The following ERICH1 variants were observed in gnomAD, a reference collection of about 807,000 sequenced individuals.
ERICH1 encodes glutamate-rich protein 1.
In ERICH1, 56 loss-of-function variants were observed where a neutral mutation model predicts 39.6. That is an observed-to-expected ratio of 1.41 (90% CI 1.14 to 1.77). The LOEUF (loss-of-function observed/expected upper bound fraction) is 1.77, where lower values mean the gene tolerates loss of function less well. Among genes scored for constraint, ERICH1 ranks in the 40% most tolerant of loss-of-function variants. The probability of loss-of-function intolerance (pLI) is 0.00; values close to 1 mark genes in which losing one functional copy is unlikely to be tolerated. For missense variants in ERICH1, 826 were observed against 575.4 expected (o/e 1.44, Z -4.45); for synonymous variants, 313 against 223.6 (o/e 1.40, Z -3.57).
At position 664,385 on chromosome 8, in the gene ERICH1, G is replaced by C; in HGVS notation, c.*218C>G. 1 of 1,202,370 alleles carries C rather than the reference G, an allele frequency of 8.3e-7. No homozygotes were observed. 74.5% of individuals were successfully genotyped at this position (1,202,370 alleles called of 1,614,324 possible). On this transcript the variant is annotated 3_prime_UTR_variant, in exon 6 of 6. Transcript: ENST00000262109. ...AATCAAGTTTTATGTAGTAATTCAA[G>C]ATATATATAATTGCAAATAAGTGAA...
chr8:641,139 T>C (rs1798930267), intron 3 of ERICH1: 1 of 152,184 alleles, frequency 6.6e-6, no homozygotes, highest in Non-Finnish European at 1.5e-5. Flanking sequence ...GCAGAGGACT[T>C]GGCGTTTAAT....
At chr8:717,399 C>T (rs1037682751) in intron 1 of ERICH1, among the ~76,000 whole-genome samples, 12 of 152,176 alleles carry the variant, frequency 7.9e-5, no homozygotes, top group Admixed American at 2.0e-4. Flanking sequence ...GGCGGAGACA[C>T]CTTGGCTCTC....
chr8:658,870 C>T (rs765250759), intron 3 of ERICH1, among the ~76,000 whole-genome samples: 1 of 152,214 alleles, frequency 6.6e-6, no homozygotes, highest in Non-Finnish European at 1.5e-5. Flanking sequence ...TCCCCAATTC[C>T]TCCCTGGCCG....
At chr8:671,317 C>T (rs1703935) in intron 4 of ERICH1, among the ~76,000 whole-genome samples, 109 of 144,090 alleles carry the variant, frequency 7.6e-4, no homozygotes, top group African/African-American at 1.3e-3. Flanking sequence ...CTGCCGGCCC[C>T]GGCTCTAATG....
At chr8:662,043 C>A (rs1801497207), downstream of ERICH1, among the ~76,000 whole-genome samples, 1 of 151,616 alleles carries the variant, frequency 6.6e-6, no homozygotes, top group South Asian at 2.1e-4. Flanking sequence ...TACAGGGACC[C>A]AGGAAAAGGC....
chr8:701,304 CA>C (rs1812080598), intron 2 of ERICH1, among the ~76,000 whole-genome samples: 1 of 152,084 alleles, frequency 6.6e-6, no homozygotes, highest in Non-Finnish European at 1.5e-5. Context: ...GGGAGCACGC[CA>C]TACCTACGGG....
At position 668,719 on chromosome 8, in the gene ERICH1, G is replaced by A. The variant is rs746154675; in HGVS notation, c.1137C>T (p.His379=). The A allele has an allele frequency of 1.5e-5, 24 of 1,613,776 alleles. No individual in the cohort carries two copies. Among genetic ancestry groups the A allele is most frequent in the Non-Finnish European group, 1.9e-5 (23 of 1,179,932 alleles). Residue 379 remains histidine (H), a synonymous_variant, in exon 5 of 6, where the codon CAC becomes CAT. Coordinates refer to ENST00000262109, the MANE Select transcript of ERICH1 (RefSeq NM_207332.3). Reference sequence around the variant, plus strand: ...TGGACACGTCTGAGGGCAGCATGCTGTGTGACGCAAGGCGGTCCAGCAGCT... The same window carrying A: ...TGGACACGTCTGAGGGCAGCATGCTATGTGACGCAAGGCGGTCCAGCAGCT... The part of the protein sequence containing the change: ...AEELLDRLAS[H]SMLPSDVSIL...
chr8:653,974 A>T (rs116223525), intron 3 of ERICH1, among the ~76,000 whole-genome samples: 1,573 of 152,304 alleles, frequency 0.01, 21 homozygotes, highest in African/African-American at 0.036. Flanking sequence ...GGCACTGAGC[A>T]GAGGTCCCTG....
Position 707,889 on chromosome 8 carries a change from T to C in ERICH1, c.169+7972A>G, listed in dbSNP as rs527240744. Among the ~76,000 whole-genome samples the C allele has an allele frequency of 2.6e-5, 4 of 152,210 alleles. No individual in the cohort carries two copies. The South Asian group carries it at 8.3e-4, about 32-fold the overall frequency. ...TGGTATGGAAGAAAATATTCGCAAA[T>C]CAGGTATCTGATGAGGACTCAGTAT... On this transcript the variant is annotated intron_variant, in intron 2 of 5. Transcript: ENST00000262109.
chr8:661,476 T>C (rs1243375874), downstream of ERICH1, among the ~76,000 whole-genome samples: 1 of 152,198 alleles, frequency 6.6e-6, no homozygotes, highest in African/African-American at 2.4e-5. Flanking sequence ...TAGGCACAAC[T>C]GTCTTAATAT....
Position 673,666 on chromosome 8 carries a change from G to T in ERICH1, c.686C>A (p.Thr229Asn), listed in dbSNP as rs781277474. Residue 229 changes from threonine (T) to asparagine (N), a missense_variant, in exon 4 of 6, where the codon ACC becomes AAC. Physicochemically the swap from Thr to Asn is moderately conservative, Grantham distance 65 (BLOSUM62 0). Coordinates refer to ENST00000262109, the MANE Select transcript of ERICH1 (RefSeq NM_207332.3). ...TLAGEEDVKD[T>N]REEDGADASE... ...AGCGTCCGCACCATCTTCCTCCCTG[G>T]TATCTTTAACGTCTTCCTCCCCGGC... is the stretch of plus-strand genomic sequence containing the variant. 1.2e-6 allele frequency: 2 copies of T among 1,612,586 alleles called. No individual in the cohort carries two copies. Among genetic ancestry groups the T allele is most frequent in the Non-Finnish European group, 1.7e-6 (2 of 1,179,420 alleles).
chr8:674,183 C>G (rs894224427), intron 3 of ERICH1, 136 bp from the exon 4 acceptor site: 12 of 993,924 alleles, frequency 1.2e-5, no homozygotes, highest in Admixed American at 3.2e-5. Context: ...CGGTGATTCT[C>G]AACTTTACCA....
chr8:662,622 T>C (rs1005331370), downstream of ERICH1, among the ~76,000 whole-genome samples: 1 of 152,118 alleles, frequency 6.6e-6, no homozygotes, highest in African/African-American at 2.4e-5. Flanking sequence ...CACTCCAGCG[T>C]GGGCAACAAA....
intron 1 of ERICH1, among the ~76,000 whole-genome samples, chr8:720,649 A>C (rs1817101572): frequency 6.6e-6 from 1 of 152,234 alleles, no homozygotes; most frequent in Non-Finnish European, 1.5e-5. Context: ...CGGGAAAGAC[A>C]ATGTCCCTTT....
intron 3 of ERICH1, among the ~76,000 whole-genome samples, chr8:633,028 T>A (rs1048494356): frequency 2.6e-5 from 4 of 152,156 alleles, no homozygotes; most frequent in Non-Finnish European, 5.9e-5. Context: ...TCTTGGACGC[T>A]GCTGGTGGCC....
At chr8:691,270 G>C (rs1465736134) in intron 3 of ERICH1, among the ~76,000 whole-genome samples, 1 of 152,264 alleles carries the variant, frequency 6.6e-6, no homozygotes, top group Non-Finnish European at 1.5e-5. Flanking sequence ...TCAAGAAGCA[G>C]CTTGTGAAGA....
In ERICH1 at chr8:705,781, G is replaced by A. The variant is rs564963277; in HGVS notation, c.169+10080C>T. ...CACAAAGGAAAAAGTAAAACTACCC[G>A]AAATCACAGATGACAGCATCTTGCA... On this transcript the variant is annotated intron_variant, in intron 2 of 5. Coordinates refer to ENST00000262109, the MANE Select transcript of ERICH1 (RefSeq NM_207332.3). Among the ~76,000 whole-genome samples, 66 of 152,328 alleles carry A rather than the reference G, an allele frequency of 4.3e-4. 1 individual carries two copies. Among genetic ancestry groups the A allele is most frequent in the African/African-American group, 1.4e-3 (59 of 41,574 alleles).
chr8:709,559 G>C (rs1347184950), intron 2 of ERICH1, among the ~76,000 whole-genome samples: 1 of 152,214 alleles, frequency 6.6e-6, no homozygotes, highest in Non-Finnish European at 1.5e-5. Context: ...ACTCACATCA[G>C]TATTTTGACT....
At chr8:676,979 A>T (rs1804992497) in intron 3 of ERICH1, among the ~76,000 whole-genome samples, 1 of 152,206 alleles carries the variant, frequency 6.6e-6, no homozygotes, top group Non-Finnish European at 1.5e-5. Flanking sequence ...CTGAAATGAG[A>T]TAGAATACAT....
Sources: allele counts gnomAD v4.1 joint callset (sites outside exome capture counted in the v4.1 genomes callset), GRCh38; gene constraint gnomAD v4.1.1; transcripts MANE v1.5; gene names NCBI Gene and HGNC (gene_info 2026-07-23, HGNC 2026-07-21).